The following SLC16A7 variants were observed in gnomAD, a reference collection of about 807,000 sequenced individuals.
SLC16A7 encodes the protein monocarboxylate transporter 2.
A neutral mutation model predicts 34.9 loss-of-function variants in SLC16A7; 33 were observed. The observed-to-expected ratio is 0.94, with a 90% CI of 0.72 to 1.26. The LOEUF is 1.26. Ranked by LOEUF, SLC16A7 falls within the 50% of genes most tolerant of loss-of-function variation. The probability of loss-of-function intolerance (pLI) is 0.00; values close to 1 mark genes in which losing one functional copy is unlikely to be tolerated. For missense variants in SLC16A7, 573 were observed against 578.1 expected, an observed-to-expected ratio of 0.99 and a Z score of 0.09; for synonymous variants, 201 against 206.6, an observed-to-expected ratio of 0.97 and a Z score of 0.23.
At chr12:59,705,750 A>G (rs970363732) in intron 3 of SLC16A7, among the ~76,000 whole-genome samples, 1 of 152,230 alleles carries the variant, frequency 6.6e-6, no homozygotes, top group African/African-American at 2.4e-5. Context: ...GAATTTTTTG[A>G]AAGTCATTAC....
At chr12:59,662,013 T>C (rs1008389176) in intron 2 of SLC16A7, among the ~76,000 whole-genome samples, 3 of 144,692 alleles carry the variant, frequency 2.1e-5, no homozygotes, top group African/African-American at 7.7e-5. Flanking sequence ...AGGAAAAGAA[T>C]AGAAAAAAAA....
chr12:59,777,595 T>A (rs900378866), intron 5 of SLC16A7, among the ~76,000 whole-genome samples: 4 of 151,904 alleles, frequency 2.6e-5, no homozygotes, highest in African/African-American at 9.7e-5. Context: ...TTTTTTTTCT[T>A]ATTAGAGGTA....
At chr12:59,658,640 A>G (rs1205477956) in intron 2 of SLC16A7, among the ~76,000 whole-genome samples, 1 of 152,044 alleles carries the variant, frequency 6.6e-6, no homozygotes, top group East Asian at 1.9e-4. Flanking sequence ...GAAGCTGAGC[A>G]TGCCCAGCTG....
At chr12:59,605,921 C>T (rs113012628) in intron 1 of SLC16A7, among the ~76,000 whole-genome samples, 390 of 152,272 alleles carry the variant, frequency 2.6e-3, no homozygotes, top group Non-Finnish European at 4.1e-3. Flanking sequence ...ACTTTTAGAG[C>T]CCCAGTTTTC....
At chr12:59,636,001 G>T (rs1367184065) in intron 1 of SLC16A7, among the ~76,000 whole-genome samples, 3 of 37,954 alleles carry the variant, frequency 7.9e-5, no homozygotes, top group Non-Finnish European at 1.2e-4. Context: ...ATGCACTTCT[G>T]TAAAAAAAAA....
chr12:59,706,502 G>C, intron 3 of SLC16A7, among the ~76,000 whole-genome samples: 1 of 152,122 alleles, frequency 6.6e-6, no homozygotes, highest in East Asian at 1.9e-4. Context: ...TTTTCTTCCA[G>C]TATCAAAAGG....
chr12:59,710,371 T>C (rs1874081816), intron 3 of SLC16A7, among the ~76,000 whole-genome samples: 1 of 152,106 alleles, frequency 6.6e-6, no homozygotes, highest in African/African-American at 2.4e-5. Context: ...AAACACAAAG[T>C]AGGAATGGAA....
At chr12:59,730,305 G>T (rs1876790919) in intron 3 of SLC16A7, among the ~76,000 whole-genome samples, 1 of 150,274 alleles carries the variant, frequency 6.7e-6, no homozygotes, top group Non-Finnish European at 1.5e-5. Flanking sequence ...CGTCCACATG[G>T]ATAGTCTTAT....
At chr12:59,695,636 T>C (rs532736673) in intron 2 of SLC16A7, among the ~76,000 whole-genome samples, 1 of 152,092 alleles carries the variant, frequency 6.6e-6, no homozygotes, top group Non-Finnish European at 1.5e-5. Flanking sequence ...TCATTTGACC[T>C]GGTGGCTGTG....
intron 3 of SLC16A7, among the ~76,000 whole-genome samples, chr12:59,752,102 T>G (rs1363673972): frequency 1.3e-5 from 2 of 151,994 alleles, no homozygotes; most frequent in Admixed American, 6.6e-5. Context: ...CAAAAACCCA[T>G]CTGTACATCA....
intron 1 of SLC16A7, among the ~76,000 whole-genome samples, chr12:59,639,666 A>G (rs1036367916): frequency 1.3e-5 from 2 of 152,140 alleles, no homozygotes; most frequent in African/African-American, 4.8e-5. Flanking sequence ...GATTATAGGC[A>G]TGAGCCAGCA....
intron 2 of SLC16A7, among the ~76,000 whole-genome samples, chr12:59,681,008 ACTGC>A (rs905358652): frequency 2.6e-5 from 4 of 152,252 alleles, no homozygotes; most frequent in Admixed American, 2.6e-4. Flanking sequence ...AACAAAAAAC[ACTGC>A]CTATGTAAAG....
chr12:59,705,951 A>G (rs569538021), intron 3 of SLC16A7, among the ~76,000 whole-genome samples: 1 of 152,260 alleles, frequency 6.6e-6, no homozygotes, highest in Non-Finnish European at 1.5e-5. Context: ...AGTATTTAGT[A>G]ATATTTACTT....
At chr12:59,631,930 G>A (rs1024652863) in intron 1 of SLC16A7, among the ~76,000 whole-genome samples, 18 of 152,012 alleles carry the variant, frequency 1.2e-4, no homozygotes, top group Non-Finnish European at 1.3e-4. Context: ...GTTTGTTTGT[G>A]TGTGGGAAGT....
chr12:59,768,588 G>T (rs1470703067), intron 3 of SLC16A7, among the ~76,000 whole-genome samples: 1 of 152,150 alleles, frequency 6.6e-6, no homozygotes, highest in African/African-American at 2.4e-5. Flanking sequence ...ATTGACTCCA[G>T]TTTAGAAAGA....
At chr12:59,709,817 C>A (rs1874016261) in intron 3 of SLC16A7, among the ~76,000 whole-genome samples, 1 of 151,612 alleles carries the variant, frequency 6.6e-6, no homozygotes, top group Non-Finnish European at 1.5e-5. Flanking sequence ...CACCGTGCAT[C>A]CATGCACTCC....
chr12:59,603,983 A>G (rs1878815766), intron 1 of SLC16A7, among the ~76,000 whole-genome samples: 1 of 152,222 alleles, frequency 6.6e-6, no homozygotes, highest in African/African-American at 2.4e-5. Flanking sequence ...TTCTCATTTG[A>G]ATGACATACT....
intron 1 of SLC16A7, among the ~76,000 whole-genome samples, chr12:59,654,684 T>TAGGCATGCACACACACACACACAC (rs1369598244): frequency 1.0e-4 from 15 of 145,310 alleles, no homozygotes; most frequent in Non-Finnish European, 2.1e-4. Context: ...AACACACACA[T>TAGGCATGCACACACACACACACAC]AGGCATGCAC....
chr12:59,639,181 T>C (rs1301702602), intron 1 of SLC16A7, among the ~76,000 whole-genome samples: 1 of 152,138 alleles, frequency 6.6e-6, no homozygotes, highest in East Asian at 1.9e-4. Context: ...TCAATTTTGT[T>C]TGAGACAAAA....
Sources: allele counts gnomAD v4.1 joint callset (sites outside exome capture counted in the v4.1 genomes callset), GRCh38; gene constraint gnomAD v4.1.1; transcripts MANE v1.5; gene names NCBI Gene and HGNC (gene_info 2026-07-23, HGNC 2026-07-21).